Variants in SNX9 observed in about 807,000 individuals in gnomAD.
SNX9 encodes sorting nexin 9, also known as sorting nexin-9.
Under a neutral mutation model 89.4 loss-of-function variants are expected in SNX9, and 44 were observed. The observed-to-expected ratio is 0.49, with a 90% CI of 0.39 to 0.63. The LOEUF (loss-of-function observed/expected upper bound fraction) is 0.63. Ranked by LOEUF, SNX9 falls within the 30% of genes least tolerant of loss-of-function variation. SNX9 has a pLI of 0.00. For missense variants in SNX9, 578 were observed against 736.1 expected, an observed-to-expected ratio of 0.79 and a Z score of 2.49; for synonymous variants, 236 against 247.8, an observed-to-expected ratio of 0.95 and a Z score of 0.45.
At chr6:157,869,816 G>A (rs557158500) in intron 2 of SNX9, among the ~76,000 whole-genome samples, 4 of 151,860 alleles carry the variant, frequency 2.6e-5, no homozygotes, top group East Asian at 1.9e-4. Context: ...ACCCATGTAC[G>A]TACTCTCACG....
chr6:157,898,527 G>A (rs970198320), intron 5 of SNX9, among the ~76,000 whole-genome samples: 10 of 150,782 alleles, frequency 6.6e-5, no homozygotes, highest in South Asian at 2.1e-4. Context: ...CCAGAAACGT[G>A]TATGTGGATG....
intron 1 of SNX9, among the ~76,000 whole-genome samples, chr6:157,824,007 C>T (rs1044952457): frequency 6.6e-6 from 1 of 152,226 alleles, no homozygotes; most frequent in South Asian, 2.1e-4. Context: ...GCCTTCGCTG[C>T]TGTTATTTTT....
rs1784102786 is a variant in SNX9, at chr6:157,944,439, A to T, written c.*1601A>T. ...GTACAAATTGTAAAGAATATGTATA[A>T]ATGTTTTACACGAATGTAAGAGCAT... On this transcript the variant is annotated 3_prime_UTR_variant, in exon 18 of 18. Transcript: ENST00000392185. 1 of 152,660 alleles carries T rather than the reference A, an allele frequency of 6.6e-6. No individual in the cohort carries two copies. The highest frequency in any genetic ancestry group is 2.1e-4 in the South Asian group (1 of 4,832). The allele number at this position is 152,660 out of a possible 1,614,324, so 9.5% of individuals were successfully genotyped here. A position where few individuals can be genotyped will look rare whatever the true frequency, so the allele number is the denominator to read the frequency against.
At chr6:157,882,124 T>G (rs781064250) in intron 4 of SNX9, among the ~76,000 whole-genome samples, 1 of 152,186 alleles carries the variant, frequency 6.6e-6, no homozygotes, top group Non-Finnish European at 1.5e-5. Context: ...AACTTTATGT[T>G]GAAACCAGTG....
chr6:157,893,484 G>A (rs530080540), intron 4 of SNX9, among the ~76,000 whole-genome samples: 12 of 151,764 alleles, frequency 7.9e-5, no homozygotes, highest in African/African-American at 2.4e-4. Context: ...CCCATGTGTC[G>A]GTTGGTGAAG....
chr6:157,940,838 G>C, intron 16 of SNX9, 45 bp from the exon 17 acceptor site: 1 of 1,570,994 alleles, frequency 6.4e-7, no homozygotes, highest in Non-Finnish European at 8.8e-7. Flanking sequence ...GTTGTCATTT[G>C]AAAACTTGAG....
At chr6:157,848,100 C>G (rs1025596391) in intron 1 of SNX9, among the ~76,000 whole-genome samples, 4 of 152,152 alleles carry the variant, frequency 2.6e-5, no homozygotes, top group African/African-American at 9.7e-5. Context: ...AATTGCTTTG[C>G]GTGTTGATGG....
At position 157,938,708 on chromosome 6, in the gene SNX9, A is replaced by G. The variant is rs761163759; in HGVS notation, c.1609A>G (p.Met537Val). 7 of 1,614,120 alleles carry G rather than the reference A, an allele frequency of 4.3e-6. No homozygotes were observed. Among genetic ancestry groups the G allele is most frequent in the Middle Eastern group, 3.3e-4 (2 of 6,062 alleles). ...AATCACCCTACAAGACAAACAGAAC[A>G]TGGTGAAGAGAGTCAGCATCATGTC... is the stretch of plus-strand genomic sequence containing the variant. ...SKITLQDKQNMVKRVSIMSYA... is the reference protein window; with the variant it reads ...SKITLQDKQNVVKRVSIMSYA... Residue 537 changes from methionine (M) to valine (V), a missense_variant, in exon 16 of 18, where the codon ATG becomes GTG. Transcript: ENST00000392185.
At position 157,826,794 on chromosome 6, in the gene SNX9, ATATAT is replaced by A. The variant is rs1319273820; in HGVS notation, c.12+3355_12+3359del. On this transcript the variant is annotated intron_variant, in intron 1 of 17. Coordinates refer to ENST00000392185, the MANE Select transcript of SNX9 (RefSeq NM_016224.5). ...TATATAAATATATTATATTATATATATATATTATATTTTATATATAAATATATATT... is the reference window on the plus strand; with the variant it reads ...TATATAAATATATTATATTATATATATATATTTTATATATAAATATATATT... Among the ~76,000 whole-genome samples, 9 of 104,552 alleles carry A rather than the reference ATATAT, an allele frequency of 8.6e-5. 1 individual carries two copies. The highest frequency in any genetic ancestry group is 2.6e-4 in the African/African-American group (5 of 19,354). 68.6% of individuals were successfully genotyped at this position (104,552 alleles called of 152,430 possible). A position where few individuals can be genotyped will look rare whatever the true frequency, so the allele number is the denominator to read the frequency against.
rs774864665 is a variant in SNX9, at chr6:157,937,389, T to C, written c.1444-45T>C. The C allele has an allele frequency of 1.8e-5, 24 of 1,367,834 alleles. No individual in the cohort carries two copies. In the South Asian group the frequency reaches 2.7e-4, roughly 15 times the overall value. 84.7% of individuals were successfully genotyped at this position (1,367,834 alleles called of 1,614,324 possible). On this transcript the variant is annotated intron_variant, in intron 14 of 17. Transcript: ENST00000392185. The stretch of plus-strand genomic sequence containing the variant: ...ATAATAGTTCTCTTTTCCTTGATTT[T>C]CTGAATTTCTCTGCCAGTAACAATC...
intron 4 of SNX9, among the ~76,000 whole-genome samples, chr6:157,891,660 G>A (rs774700338): frequency 1.1e-4 from 17 of 152,208 alleles, no homozygotes; most frequent in African/African-American, 2.2e-4. Flanking sequence ...AGCTGTCCCC[G>A]TGATTCACTG....
At chr6:157,902,089 T>G (rs758867459) in intron 6 of SNX9, 44 bp downstream of exon 6, 10 of 1,590,990 alleles carry the variant, frequency 6.3e-6, no homozygotes. Flanking sequence ...GTGGTAGAAG[T>G]ATACATTAAT....
chr6:157,889,229 G>A (rs1397380376), intron 4 of SNX9, among the ~76,000 whole-genome samples: 10 of 152,092 alleles, frequency 6.6e-5, no homozygotes, highest in African/African-American at 1.9e-4. Flanking sequence ...TCAGGAGTTC[G>A]AGACCAGCCT....
Position 157,896,969 on chromosome 6 carries a change from T to A in SNX9, c.443T>A (p.Phe148Tyr), listed in dbSNP as rs2115164536. 1 of 1,610,212 alleles carries A rather than the reference T, an allele frequency of 6.2e-7. No homozygotes were observed. Among genetic ancestry groups the A allele is most frequent in the Admixed American group, 1.7e-5 (1 of 58,476 alleles). ...ACTCCCAACAACTGGGACACTGCCT[T>A]CGGCCACCCCCAGGCCTACCAAGGA... Reference protein sequence around the residue: ...TNTPNNWDTAFGHPQAYQGPA... With the variant: ...TNTPNNWDTAYGHPQAYQGPA... Residue 148 changes from phenylalanine (F) to tyrosine (Y), a missense_variant, in exon 5 of 18, where the codon TTC (phenylalanine) becomes TAC (tyrosine). Physicochemically the swap from Phe to Tyr is conservative, Grantham distance 22. Transcript: ENST00000392185.
chr6:157,870,772 C>T (rs1359415078), intron 2 of SNX9, among the ~76,000 whole-genome samples: 2 of 150,744 alleles, frequency 1.3e-5, no homozygotes, highest in Non-Finnish European at 3.0e-5. Context: ...CCTGCTCTCA[C>T]ACATATATGC....
chr6:157,902,212 T>TAAAA (rs57207307), intron 6 of SNX9, among the ~76,000 whole-genome samples, 167 bp downstream of exon 6: 65 of 144,972 alleles, frequency 4.5e-4, no homozygotes, highest in South Asian at 6.6e-4. Context: ...GAAGCTTACT[T>TAAAA]AAAAAAAAAA....
chr6:157,859,849 A>G (rs1782083501), intron 1 of SNX9, among the ~76,000 whole-genome samples: 1 of 152,186 alleles, frequency 6.6e-6, no homozygotes, highest in Admixed American at 6.5e-5. Flanking sequence ...ATATGAATTG[A>G]AAATACTCTT....
At chr6:157,855,021 A>C (rs1229562484) in intron 1 of SNX9, among the ~76,000 whole-genome samples, 1 of 150,370 alleles carries the variant, frequency 6.7e-6, no homozygotes, top group East Asian at 1.9e-4. Flanking sequence ...TTCCTTTCCT[A>C]TCTCTCCTCT....
chr6:157,868,318 T>G (rs1782309922), intron 2 of SNX9, among the ~76,000 whole-genome samples: 1 of 152,234 alleles, frequency 6.6e-6, no homozygotes, highest in Non-Finnish European at 1.5e-5. Flanking sequence ...CACATGCATC[T>G]TCAGGTACAC....
Sources: gnomAD v4.1 joint callset for allele counts (sites outside exome capture counted in the v4.1 genomes callset) on GRCh38, gnomAD v4.1.1 for gene constraint, MANE v1.5 for transcripts, NCBI Gene and HGNC (gene_info 2026-07-23, HGNC 2026-07-21) for gene names.